Variants in CA10 observed in about 807,000 individuals in gnomAD.
CA10 encodes the protein carbonic anhydrase-related protein 10.
CA10 carries 14 observed loss-of-function variants against 44.2 expected under a neutral mutation model. The ratio of observed to expected loss-of-function variants is 0.32; its 90% CI spans 0.21 to 0.50. The LOEUF (loss-of-function observed/expected upper bound fraction) is 0.50, where lower values mean the gene tolerates loss of function less well. Among genes scored for constraint, CA10 ranks in the 20% least tolerant of loss-of-function variants. The pLI, the probability that CA10 is intolerant of heterozygous loss-of-function variation, is 0.99. For synonymous variants in CA10, 159 were observed against 141.6 expected (o/e 1.12, Z -0.87); for missense variants, 350 against 409.7 (o/e 0.85, Z 1.26).
At chr17:52,031,298 C>T (rs1368138723) in intron 2 of CA10, among the ~76,000 whole-genome samples, 3 of 151,896 alleles carry the variant, frequency 2.0e-5, no homozygotes, top group Non-Finnish European at 4.4e-5. Flanking sequence ...TACAGGCATG[C>T]ACCACCATGC....
chr17:51,753,975 C>G (rs940321988), intron 3 of CA10, among the ~76,000 whole-genome samples: 1 of 152,114 alleles, frequency 6.6e-6, no homozygotes, highest in Non-Finnish European at 1.5e-5. Context: ...TCCCAAGTAG[C>G]TGGGATTACA....
chr17:51,880,515 T>C (rs1381554792), intron 3 of CA10, among the ~76,000 whole-genome samples: 2 of 152,064 alleles, frequency 1.3e-5, no homozygotes, highest in Non-Finnish European at 2.9e-5. Flanking sequence ...TTGCCCAGGC[T>C]TGTCTTGAAC....
intron 2 of CA10, among the ~76,000 whole-genome samples, chr17:51,936,257 T>A (rs553133144): frequency 2.0e-5 from 3 of 152,300 alleles, no homozygotes; most frequent in Admixed American, 2.0e-4. Flanking sequence ...CCTATTCTCA[T>A]GAATCTTGCA....
intron 2 of CA10, among the ~76,000 whole-genome samples, chr17:52,030,285 T>C (rs1446472824): frequency 6.6e-6 from 1 of 152,208 alleles, no homozygotes; most frequent in Non-Finnish European, 1.5e-5. Flanking sequence ...GATCATGCCG[T>C]AGGGCCTGTT....
intron 4 of CA10, among the ~76,000 whole-genome samples, chr17:51,736,630 C>G (rs778473344): frequency 2.0e-4 from 30 of 152,128 alleles, no homozygotes; most frequent in Non-Finnish European, 3.7e-4. Flanking sequence ...GCAAATAGAT[C>G]CAAAGCAAGA....
At chr17:51,692,884 T>C (rs1479727491) in intron 4 of CA10, among the ~76,000 whole-genome samples, 3 of 152,226 alleles carry the variant, frequency 2.0e-5, no homozygotes, top group African/African-American at 7.2e-5. Flanking sequence ...CAGCCATCAC[T>C]GGTTTTGGCT....
intron 2 of CA10, among the ~76,000 whole-genome samples, chr17:52,043,569 C>A (rs1986829660): frequency 6.6e-6 from 1 of 151,982 alleles, no homozygotes; most frequent in East Asian, 1.9e-4. Context: ...CCTAATTGCT[C>A]TGGCTAGAAC....
intron 2 of CA10, among the ~76,000 whole-genome samples, chr17:51,965,356 G>T (rs1984042532): frequency 6.6e-6 from 1 of 151,762 alleles, no homozygotes; most frequent in South Asian, 2.1e-4. Context: ...AAGGAGGAAG[G>T]ACTCTTCCCT....
At chr17:52,114,094 C>T (rs1398381151) in intron 1 of CA10, among the ~76,000 whole-genome samples, 1 of 152,222 alleles carries the variant, frequency 6.6e-6, no homozygotes, top group Non-Finnish European at 1.5e-5. Context: ...AATTCTAAAA[C>T]ATTCTAGAAA....
chr17:51,912,094 T>C (rs1357631295), intron 3 of CA10, among the ~76,000 whole-genome samples: 1 of 152,206 alleles, frequency 6.6e-6, no homozygotes, highest in East Asian at 1.9e-4. Context: ...CACCATGTTA[T>C]ATGTAGCACC....
At chr17:52,087,713 A>AT (rs1988155515) in intron 1 of CA10, among the ~76,000 whole-genome samples, 1 of 152,220 alleles carries the variant, frequency 6.6e-6, no homozygotes, top group African/African-American at 2.4e-5. Flanking sequence ...ATTACATTTA[A>AT]TTTTCTCCTA....
At chr17:51,685,056 A>G (rs1477796263) in intron 4 of CA10, among the ~76,000 whole-genome samples, 3 of 152,216 alleles carry the variant, frequency 2.0e-5, no homozygotes, top group Non-Finnish European at 4.4e-5. Flanking sequence ...GGAGGGACAT[A>G]TGGTTTACCA....
upstream of CA10, chr17:52,159,539 C>T (rs1989896769): frequency 6.6e-6 from 1 of 152,286 alleles, no homozygotes; most frequent in Non-Finnish European, 1.5e-5. Flanking sequence ...TTTTGCTGGG[C>T]TCCAGGATAC....
At chr17:52,148,905 CA>C (rs1989645475) in intron 1 of CA10, among the ~76,000 whole-genome samples, 1 of 152,136 alleles carries the variant, frequency 6.6e-6, no homozygotes, top group Non-Finnish European at 1.5e-5. Flanking sequence ...AATAAATTAA[CA>C]AATACATTTA....
intron 1 of CA10, among the ~76,000 whole-genome samples, chr17:52,101,126 A>AT (rs1308513870): frequency 2.0e-5 from 3 of 152,076 alleles, no homozygotes; most frequent in Non-Finnish European, 4.4e-5. Context: ...TGCTGGCAGG[A>AT]TTTTTTTGGG....
At chr17:51,844,550 G>A (rs1271230866) in intron 3 of CA10, among the ~76,000 whole-genome samples, 2 of 152,008 alleles carry the variant, frequency 1.3e-5, no homozygotes, top group Admixed American at 1.3e-4. Flanking sequence ...ACTTAAAATA[G>A]CGTTTTCTAG....
At chr17:52,130,896 G>T (rs1448971285) in intron 1 of CA10, among the ~76,000 whole-genome samples, 1 of 151,950 alleles carries the variant, frequency 6.6e-6, no homozygotes, top group Non-Finnish European at 1.5e-5. Flanking sequence ...CAGTTCAAGA[G>T]ATCTATTGTA....
At chr17:51,929,743 C>A (rs1982576100) in intron 3 of CA10, among the ~76,000 whole-genome samples, 1 of 152,144 alleles carries the variant, frequency 6.6e-6, no homozygotes, top group African/African-American at 2.4e-5. Context: ...GAAGCCATGA[C>A]AAGCTCCTTG....
chr17:51,896,034 A>C lies in CA10; in HGVS notation c.279+34956T>G, dbSNP rs181146837. Among the ~76,000 whole-genome samples, 8 of 152,232 alleles carry C rather than the reference A, an allele frequency of 5.3e-5. No individual in the cohort carries two copies. The East Asian group carries it at 1.3e-3, about 26-fold the overall frequency. ...TCCATGTTATTTTTTTAAAAAAATC[A>C]ACTTCATCAAGGTATTATTTGCATA... On this transcript the variant is annotated intron_variant, in intron 3 of 8. Coordinates refer to ENST00000451037, the MANE Select transcript of CA10 (RefSeq NM_020178.5).
Sources: allele counts gnomAD v4.1 joint callset (sites outside exome capture counted in the v4.1 genomes callset), GRCh38; gene constraint gnomAD v4.1.1; transcripts MANE v1.5; gene names NCBI Gene and HGNC (gene_info 2026-07-23, HGNC 2026-07-21).